Variants in CRACDL observed in about 807,000 individuals in gnomAD.
CRACDL encodes CRACD like.
CRACDL carries 26 observed loss-of-function variants against 70.6 expected under a neutral mutation model. The ratio of observed to expected loss-of-function variants is 0.37; its 90% confidence interval spans 0.27 to 0.51. The LOEUF (loss-of-function observed/expected upper bound fraction) is 0.51. CRACDL is among the 20% of genes least tolerant of loss of function. The pLI, the probability that CRACDL is intolerant of heterozygous loss-of-function variation, is 0.94. For synonymous variants in CRACDL, 618 were observed against 615.2 expected (o/e 1.00, Z -0.07); for missense variants, 1,283 against 1,376.9 (o/e 0.93, Z 1.08).
chr2:98,819,582 GT>G (rs1167814144), intron 7 of CRACDL, among the ~76,000 whole-genome samples: 1 of 152,328 alleles, frequency 6.6e-6, no homozygotes, highest in Non-Finnish European at 1.5e-5. Flanking sequence ...AAGGCCACAT[GT>G]GTGGGCTCTT....
rs1043022174 is a variant in CRACDL, at chr2:98,846,795, A to G, written c.6T>C (p.Ile2=). The part of the protein sequence containing the change: M[I]STRVMDIKLR... The stretch of plus-strand genomic sequence containing the variant: ...GCTTAATGTCCATCACCCTTGTGGA[A>G]ATCATGTCAAGCTCGCTGAAATTAT... Residue 2 remains isoleucine (I), a synonymous_variant, in exon 2 of 10, where the codon ATT becomes ATC. Coordinates refer to ENST00000397899, the MANE Select transcript of CRACDL (RefSeq NM_207362.3). The G allele has an allele frequency of 2.5e-6, 4 of 1,614,064 alleles. No individual in the cohort carries two copies. The highest frequency in any genetic ancestry group is 3.4e-6 in the Non-Finnish European group (4 of 1,179,878).
At chr2:98,842,738 A>G (rs1418034205) in intron 2 of CRACDL, among the ~76,000 whole-genome samples, 1 of 152,186 alleles carries the variant, frequency 6.6e-6, no homozygotes, top group African/African-American at 2.4e-5. Flanking sequence ...CCAGATCAAT[A>G]GCCTATTCCT....
intron 1 of CRACDL, among the ~76,000 whole-genome samples, chr2:98,848,144 C>G (rs545516051): frequency 6.5e-4 from 99 of 152,330 alleles, no homozygotes; most frequent in South Asian, 2.5e-3. Context: ...TTTTCAAATC[C>G]TTTACCACTG....
At chr2:98,894,561 G>A (rs183990510) in intron 1 of CRACDL, among the ~76,000 whole-genome samples, 1 of 152,320 alleles carries the variant, frequency 6.6e-6, no homozygotes, top group African/African-American at 2.4e-5. Flanking sequence ...TGTAGTGAGA[G>A]AAGTGAGGCC....
intron 7 of CRACDL, among the ~76,000 whole-genome samples, chr2:98,811,381 G>A (rs1216538653): frequency 6.6e-6 from 1 of 151,646 alleles, no homozygotes; most frequent in Non-Finnish European, 1.5e-5. Flanking sequence ...GCATGGTGGT[G>A]TGCCTGTAGT....
At chr2:98,907,699 C>T (rs1708447721) in intron 1 of CRACDL, among the ~76,000 whole-genome samples, 1 of 152,246 alleles carries the variant, frequency 6.6e-6, no homozygotes, top group Admixed American at 6.5e-5. Context: ...GACCAAAGAC[C>T]TGCACTGAGT....
At chr2:98,836,935 T>A (rs555451004) in intron 3 of CRACDL, among the ~76,000 whole-genome samples, 52 of 151,596 alleles carry the variant, frequency 3.4e-4, no homozygotes, top group African/African-American at 1.2e-3. Flanking sequence ...ACAAAAAAAA[T>A]TTAGCCAGGC....
intron 1 of CRACDL, among the ~76,000 whole-genome samples, chr2:98,935,490 T>G (rs1709183526): frequency 1.3e-5 from 2 of 152,130 alleles, no homozygotes; most frequent in Admixed American, 1.3e-4. Flanking sequence ...CTAAAACCTG[T>G]TAAATAAACC....
chr2:98,869,337 G>A (rs1185879908), intron 1 of CRACDL: 6 of 1,147,470 alleles, frequency 5.2e-6, no homozygotes, highest in Non-Finnish European at 6.7e-6. Context: ...TGAGCTCCTT[G>A]GGCGGGTGCA....
chr2:98,864,148 G>C (rs1707041602), intron 1 of CRACDL, among the ~76,000 whole-genome samples: 1 of 152,032 alleles, frequency 6.6e-6, no homozygotes, highest in African/African-American at 2.4e-5. Context: ...TCAAAAAGTA[G>C]AAATAACCCA....
At chr2:98,859,270 G>T (rs1258209589) in intron 1 of CRACDL, among the ~76,000 whole-genome samples, 1 of 152,054 alleles carries the variant, frequency 6.6e-6, no homozygotes, top group Non-Finnish European at 1.5e-5. Flanking sequence ...AGATATAAAA[G>T]TGAGTTTTAC....
At chr2:98,805,465 T>G (rs1418704498) in intron 7 of CRACDL, among the ~76,000 whole-genome samples, 19 of 151,958 alleles carry the variant, frequency 1.3e-4, no homozygotes, top group Non-Finnish European at 2.8e-4. Context: ...TTTCCACCGC[T>G]TCACTACCCC....
In CRACDL at chr2:98,873,504, C is replaced by A. The variant is rs560452687; in HGVS notation, c.-10-26694G>T. On this transcript the variant is annotated intron_variant, in intron 1 of 9. Coordinates refer to ENST00000397899, the MANE Select transcript of CRACDL (RefSeq NM_207362.3). ...CTGAGCTCTGACCCCAGGGTGGGAACAGATCCACTGCTGAACTGGCCTGGG... is the reference window on the plus strand; with the variant it reads ...CTGAGCTCTGACCCCAGGGTGGGAAAAGATCCACTGCTGAACTGGCCTGGG... Among the ~76,000 whole-genome samples, 5 of 152,340 alleles carry A rather than the reference C, an allele frequency of 3.3e-5. No homozygotes were observed. The South Asian group carries it at 1.0e-3, about 32-fold the overall frequency.
At chr2:98,886,453 G>A (rs184816849) in intron 1 of CRACDL, among the ~76,000 whole-genome samples, 4 of 152,278 alleles carry the variant, frequency 2.6e-5, no homozygotes, top group Admixed American at 6.5e-5. Context: ...TATCACCTGC[G>A]CATATACTCA....
At chr2:98,869,300 T>C (rs1316959512) in intron 1 of CRACDL, 1 of 1,212,586 alleles carries the variant, frequency 8.2e-7, no homozygotes, top group Non-Finnish European at 1.1e-6. Context: ...GTGGGGCTTC[T>C]GCCAAGCCCA....
chr2:98,902,079 AAGGGAACAACC>A lies in CRACDL; in HGVS notation c.-11+33848_-11+33858del, dbSNP rs1460557933. Among the ~76,000 whole-genome samples, 5 of 152,308 alleles carry A rather than the reference AAGGGAACAACC, an allele frequency of 3.3e-5. No individual in the cohort carries two copies. The East Asian group carries it at 5.8e-4, about 18-fold the overall frequency. ...CTGTAAAAAGTTCCAAAGGTCTACAAAGGGAACAACCAGGGCTAGTGACTCTGACACTGACC... is the reference window on the plus strand; with the variant it reads ...CTGTAAAAAGTTCCAAAGGTCTACAAAGGGCTAGTGACTCTGACACTGACC... On this transcript the variant is annotated intron_variant, in intron 1 of 9. Transcript: ENST00000397899.
At position 98,822,390 on chromosome 2, in the gene CRACDL, C is replaced by T. The variant is rs1412652922; in HGVS notation, c.1883G>A (p.Gly628Asp). Residue 628 changes from glycine (G) to aspartate (D), a missense_variant, in exon 7 of 10, where the codon GGC (glycine) becomes GAC (aspartate). Coordinates refer to ENST00000397899, the MANE Select transcript of CRACDL (RefSeq NM_207362.3). This position sits in a 1 kb window ranked among gnomAD's most constrained non-coding sequence, Gnocchi z 4.9. ...GCCGCGCTCCGCCAGCTTCCGAGGGCCAGGTTTCGCGTGCTGGGGCTCGGG... is the reference window on the plus strand; with the variant it reads ...GCCGCGCTCCGCCAGCTTCCGAGGGTCAGGTTTCGCGTGCTGGGGCTCGGG... ...GLPEPQHAKP[G>D]PRKLAERGPQ... The T allele has an allele frequency of 9.1e-5, 134 of 1,478,866 alleles. No individual in the cohort carries two copies. In the East Asian group the frequency reaches 3.8e-3, roughly 42 times the overall value. The allele number at this position is 1,478,866 out of a possible 1,614,324, so 91.6% of individuals were successfully genotyped here.
rs921268652 is a variant in CRACDL at position 98,846,628 on chromosome 2, A to G, written c.70+103T>C. On this transcript the variant is annotated intron_variant, in intron 2 of 9. Coordinates refer to ENST00000397899, the MANE Select transcript of CRACDL (RefSeq NM_207362.3). ...TGAGCACACTGGGAACTAAATCCCC[A>G]CTTTTCATACAGAAAGCCCCAAAGG... The G allele has an allele frequency of 7.6e-6, 7 of 919,918 alleles. No homozygotes were observed. The African/African-American group carries it at 1.2e-4, about 15-fold the overall frequency. 57.0% of individuals were successfully genotyped at this position (919,918 alleles called of 1,614,324 possible).
intron 6 of CRACDL, among the ~76,000 whole-genome samples, chr2:98,825,692 C>G (rs1201121801): frequency 6.6e-6 from 1 of 152,236 alleles, no homozygotes; most frequent in Non-Finnish European, 1.5e-5. Context: ...ACACAGCACA[C>G]AGCCTTTAAC....
Sources: allele counts gnomAD v4.1 joint callset (sites outside exome capture counted in the v4.1 genomes callset), GRCh38; gene constraint gnomAD v4.1.1; non-coding constraint Gnocchi (gnomAD v3.1); transcripts MANE v1.5; gene names NCBI Gene and HGNC (gene_info 2026-07-23, HGNC 2026-07-21).